The following TKTL1 variants were observed in gnomAD, a reference collection of about 807,000 sequenced individuals.
TKTL1 encodes the protein transketolase-like protein 1.
Under a neutral mutation model 39.3 loss-of-function variants are expected in TKTL1, and 1 was observed. The observed-to-expected ratio is 0.03, with a 90% CI of 0.01 to 0.12. The LOEUF is 0.12. TKTL1 is among the 10% of genes least tolerant of loss of function. The pLI, the probability that TKTL1 is intolerant of heterozygous loss-of-function variation, is 1.00. For missense variants in TKTL1, 575 were observed against 509.6 expected, an observed-to-expected ratio of 1.13 and a Z score of -1.24; for synonymous variants, 262 against 193.8, an observed-to-expected ratio of 1.35 and a Z score of -2.92.
At position 154,323,204 on chromosome X, in the gene TKTL1, C is replaced by G. The variant is rs2067465541; in HGVS notation, c.1187-3C>G. The G allele has an allele frequency of 3.3e-6, 4 of 1,209,706 alleles. No homozygotes were observed. Among genetic ancestry groups the G allele is most frequent in the Non-Finnish European group, 4.5e-6 (4 of 894,737 alleles). On this transcript the variant is annotated splice_region_variant and splice_polypyrimidine_tract_variant and intron_variant, in intron 8 of 12. Coordinates refer to ENST00000369915, the MANE Select transcript of TKTL1 (RefSeq NM_012253.4). Reference sequence around the variant, plus strand: ...TGTTTTCATCGGGCTCTGGTTCTCTCAGGTGACGATGGTGCTTCCCAGATG... The same window carrying G: ...TGTTTTCATCGGGCTCTGGTTCTCTGAGGTGACGATGGTGCTTCCCAGATG...
intron 11 of TKTL1, 64 bp downstream of exon 11, chrX:154,327,751 C>T (rs1305574302): frequency 1.7e-6 from 2 of 1,192,580 alleles, no homozygotes; most frequent in Non-Finnish European, 2.3e-6. Flanking sequence ...CAGCTACCTC[C>T]TGTGCCCTGA....
chrX:154,307,281 A>T (rs2067322678), intron 2 of TKTL1, among the ~76,000 whole-genome samples: 1 of 111,703 alleles, frequency 9.0e-6, no homozygotes, highest in Admixed American at 9.5e-5. Flanking sequence ...GCCTTAGGGG[A>T]TGAAGAGGCT....
chrX:154,310,415 A>T (rs2067347473), intron 3 of TKTL1, among the ~76,000 whole-genome samples: 1 of 112,390 alleles, frequency 8.9e-6, no homozygotes, highest in African/African-American at 3.2e-5. Context: ...AGCCTGGGTG[A>T]TGGAAACTCT....
intron 12 of TKTL1, among the ~76,000 whole-genome samples, chrX:154,328,391 C>T (rs1447592273): frequency 9.4e-6 from 1 of 105,922 alleles, no homozygotes; most frequent in African/African-American, 3.4e-5. Context: ...ACTAAAAATA[C>T]AAAAATTAGC....
At chrX:154,315,397 C>T (rs1557169194) in intron 7 of TKTL1, 60 bp downstream of exon 7, 6 of 1,048,988 alleles carry the variant, frequency 5.7e-6, no homozygotes, top group Non-Finnish European at 7.7e-6. Context: ...ACACAGGAGG[C>T]CCAGCCTGTG....
At chrX:154,314,878 A>T (rs1448898746) in intron 6 of TKTL1, among the ~76,000 whole-genome samples, 1 of 109,233 alleles carries the variant, frequency 9.2e-6, no homozygotes, top group Non-Finnish European at 1.9e-5. Flanking sequence ...CTCACTCTTG[A>T]GCTGTGGAGT....
chrX:154,304,496 C>G (rs188240136), intron 1 of TKTL1, among the ~76,000 whole-genome samples: 3 of 109,429 alleles, frequency 2.7e-5, no homozygotes, highest in Admixed American at 9.7e-5. Context: ...CTTGGGAGGC[C>G]GAGGCGGGAG....
intron 10 of TKTL1, among the ~76,000 whole-genome samples, chrX:154,325,805 G>A (rs1467076954): frequency 6.3e-5 from 7 of 111,664 alleles, no homozygotes; most frequent in Non-Finnish European, 1.1e-4. Context: ...GAAACATAGC[G>A]AGATTCCCAT....
rs1452578537 is a variant in TKTL1 at position 154,330,246 on chromosome X, C to A, written c.*558C>A. 2 of 114,946 alleles carry A rather than the reference C, an allele frequency of 1.7e-5. No homozygotes were observed. The highest frequency in any genetic ancestry group is 3.6e-5 in the Non-Finnish European group (2 of 55,054). 9.5% of individuals were successfully genotyped at this position (114,946 alleles called of 1,213,427 possible). ...TTCATCTCCCTCCACGTTTGAGAGG[C>A]TGTCAGGCAGCAGCGAAAGCTTGTT... On this transcript the variant is annotated 3_prime_UTR_variant, in exon 13 of 13. Coordinates refer to ENST00000369915, the MANE Select transcript of TKTL1 (RefSeq NM_012253.4).
intron 5 of TKTL1, among the ~76,000 whole-genome samples, chrX:154,311,917 C>T (rs113909620): frequency 5.0e-4 from 55 of 110,578 alleles, no homozygotes; most frequent in African/African-American, 1.8e-3. Context: ...GACCCAGTCC[C>T]CTAGATTACA....
intron 7 of TKTL1, among the ~76,000 whole-genome samples, chrX:154,318,137 T>C (rs920629045): frequency 3.6e-5 from 4 of 111,288 alleles, no homozygotes; most frequent in Non-Finnish European, 7.6e-5. Flanking sequence ...GGCACAATCA[T>C]GGCTCCCTGC....
Position 154,329,536 on chromosome X carries a change from T to C in TKTL1, c.1639T>C (p.Cys547Arg). 5.8e-6 allele frequency: 7 copies of C among 1,211,564 alleles called. No homozygotes were observed. Among genetic ancestry groups the C allele is most frequent in the Non-Finnish European group, 7.8e-6 (7 of 895,285 alleles). ...CCCAGGTGGCATCGGGGAAGCTGTC[T>C]GCGCAGCCGTCTCCATGGATCCTGA... ...YPQGGIGEAV[C>R]AAVSMDPDIQ... The change falls in exon 13 of 13, where the codon TGC (cysteine) becomes CGC (arginine). Residue 547 changes from cysteine (C) to arginine (R), a missense_variant. Physicochemically the swap from Cys to Arg is radical, Grantham distance 180. Transcript: ENST00000369915.
At chrX:154,319,799 CAG>C (rs2067434308) in intron 7 of TKTL1, among the ~76,000 whole-genome samples, 1 of 110,189 alleles carries the variant, frequency 9.1e-6, no homozygotes, top group African/African-American at 3.3e-5. Context: ...TGAATGTAGA[CAG>C]AGTTGATCTG....
Position 154,315,216 on chromosome X carries a change from G to C in TKTL1, c.908G>C (p.Gly303Ala), listed in dbSNP as rs782149533. Residue 303 changes from glycine to alanine, a missense_variant, in exon 7 of 13, where the codon GGC becomes GCC. By Grantham distance (60) the Gly-to-Ala change is moderately conservative (BLOSUM62 0). Transcript: ENST00000369915. ...TGCGGTCTGGCTCTGGCTAAGCTGG[G>C]CTACGCGAACAACAGAGTCGTTGTG... ...KACGLALAKL[G>A]YANNRVVVLD... 18 of 1,209,791 alleles carry C rather than the reference G, an allele frequency of 1.5e-5. No homozygotes were observed. In the East Asian group the frequency reaches 2.4e-4, roughly 16 times the overall value.
intron 7 of TKTL1, chrX:154,320,202 ATGG>A (rs1175355525): frequency 8.8e-6 from 1 of 113,028 alleles, no homozygotes; most frequent in Non-Finnish European, 1.9e-5. Context: ...CCTTGTGGGG[ATGG>A]TGGCCTAGAT....
chrX:154,327,782 C>T (rs1416204819), intron 11 of TKTL1, 57 bp from the exon 12 acceptor site: 4 of 1,206,032 alleles, frequency 3.3e-6, no homozygotes, highest in East Asian at 3.0e-5. Context: ...TATTTTTATC[C>T]CTGCATGTTA....
intron 8 of TKTL1, among the ~76,000 whole-genome samples, chrX:154,322,663 A>G (rs1557171131): frequency 8.9e-6 from 1 of 111,747 alleles, no homozygotes; most frequent in Admixed American, 9.5e-5. Flanking sequence ...AGTGCACATT[A>G]AGATTTCTCT....
chrX:154,326,169 A>T (rs1031510150), intron 10 of TKTL1, among the ~76,000 whole-genome samples: 3 of 111,700 alleles, frequency 2.7e-5, no homozygotes, highest in Admixed American at 1.9e-4. Context: ...TAAGTGTCTT[A>T]CTTAAGGGTT....
In TKTL1 at chrX:154,295,920, T is replaced by A; in HGVS notation, c.61T>A (p.Leu21Met). 1 of 1,211,795 alleles carries A rather than the reference T, an allele frequency of 8.3e-7. No homozygotes were observed. The highest frequency in any genetic ancestry group is 1.1e-6 in the Non-Finnish European group (1 of 895,418). Residue 21 changes from leucine (L) to methionine (M), a missense_variant, in exon 1 of 13, where the codon TTG becomes ATG. By Grantham distance (15) the Leu-to-Met change is conservative (BLOSUM62 2). Transcript: ENST00000369915. Reference protein sequence around the residue: ...PEEARPDRGTLQVLQDMASRL... With the variant: ...PEEARPDRGTMQVLQDMASRL... The stretch of plus-strand genomic sequence containing the variant: ...GGAGGCCAGACCTGACAGGGGCACC[T>A]TGCAGGTGTTGCAAGATATGGCCAG...
Sources: allele counts gnomAD v4.1 joint callset (sites outside exome capture counted in the v4.1 genomes callset), GRCh38; gene constraint gnomAD v4.1.1; transcripts MANE v1.5; gene names NCBI Gene and HGNC (gene_info 2026-07-23, HGNC 2026-07-21).